NCKAP5: variants seen among roughly 807,000 people sequenced by gnomAD.
NCKAP5 encodes the protein NCK associated protein 5.
Under a neutral mutation model 167.0 loss-of-function variants are expected in NCKAP5, and 92 were observed. The observed-to-expected ratio is 0.55, with a 90% confidence interval of 0.47 to 0.66. The LOEUF (loss-of-function observed/expected upper bound fraction) is 0.66, where lower values mean the gene tolerates loss of function less well. Among genes scored for constraint, NCKAP5 ranks in the 30% least tolerant of loss-of-function variants. The pLI is 0.00. For missense variants in NCKAP5, 2,378 were observed against 2,315.0 expected, an observed-to-expected ratio of 1.03 and a Z score of -0.56; for synonymous variants, 891 against 877.4, an observed-to-expected ratio of 1.02 and a Z score of -0.27.
At position 132,685,975 on chromosome 2, in the gene NCKAP5, A is replaced by G. The variant is rs1206456238; in HGVS notation, c.5714-12670T>C. Among the ~76,000 whole-genome samples, 3 of 152,126 alleles carry G rather than the reference A, an allele frequency of 2.0e-5. No homozygotes were observed. In the East Asian group the frequency reaches 5.8e-4, roughly 29 times the overall value. On this transcript the variant is annotated intron_variant, in intron 19 of 19. Coordinates refer to ENST00000409261, the MANE Select transcript of NCKAP5 (RefSeq NM_207363.3). ...AGTTTTCAAAGACATAGGGTCCTCT[A>G]TGGGAAGAGGTGGGAGAGTCAGGAG... is the stretch of plus-strand genomic sequence containing the variant.
intron 3 of NCKAP5, among the ~76,000 whole-genome samples, chr2:133,486,559 CT>C (rs1424386721): frequency 6.6e-6 from 1 of 152,182 alleles, no homozygotes; most frequent in East Asian, 1.9e-4. Flanking sequence ...AACATACAGT[CT>C]GAAACAGAAT....
At chr2:133,126,573 C>A (rs1361811142) in intron 6 of NCKAP5, among the ~76,000 whole-genome samples, 1 of 152,162 alleles carries the variant, frequency 6.6e-6, no homozygotes, top group Non-Finnish European at 1.5e-5. Flanking sequence ...AAAGCAGCAG[C>A]CCTTGCAAGA....
chr2:132,731,010 T>A (rs1277786920), intron 17 of NCKAP5, among the ~76,000 whole-genome samples: 1 of 152,232 alleles, frequency 6.6e-6, no homozygotes, highest in African/African-American at 2.4e-5. Context: ...AATCATCAAC[T>A]CATACATGAA....
chr2:133,461,269 T>G (rs897023633), intron 3 of NCKAP5, among the ~76,000 whole-genome samples: 1 of 152,204 alleles, frequency 6.6e-6, no homozygotes, highest in African/African-American at 2.4e-5. Context: ...CTGTTGTATT[T>G]TATGAGTTAT....
intron 8 of NCKAP5, among the ~76,000 whole-genome samples, chr2:132,921,166 C>A (rs1464136133): frequency 6.6e-6 from 1 of 151,916 alleles, no homozygotes; most frequent in African/African-American, 2.4e-5. Context: ...TTGATGAATC[C>A]TCAAAGTAAG....
At chr2:133,406,456 C>A (rs1688435902) in intron 3 of NCKAP5, among the ~76,000 whole-genome samples, 1 of 151,974 alleles carries the variant, frequency 6.6e-6, no homozygotes, top group South Asian at 2.1e-4. Flanking sequence ...ATAGAGAGGG[C>A]AAAGGGAAGG....
Position 132,732,007 on chromosome 2 carries a change from A to C in NCKAP5, c.5173T>G (p.Phe1725Val), listed in dbSNP as rs1217857257. ...MRTLDSGIGT[F>V]PLPDSGNRST... Reference sequence around the variant, plus strand: ...CGATTTCCCGAGTCTGGGAGTGGAAAGGTTCCGATCCCACTGTCCAATGTT... The same window carrying C: ...CGATTTCCCGAGTCTGGGAGTGGAACGGTTCCGATCCCACTGTCCAATGTT... The change falls in exon 17 of 20, where the codon TTT (phenylalanine) becomes GTT (valine). Residue 1725 changes from phenylalanine to valine, a missense_variant. Phe to Val is a conservative substitution (Grantham distance 50). Coordinates refer to ENST00000409261, the MANE Select transcript of NCKAP5 (RefSeq NM_207363.3). 6.2e-7 allele frequency: 1 copy of C among 1,613,814 alleles called. No individual in the cohort carries two copies. Among genetic ancestry groups the C allele is most frequent in the Non-Finnish European group, 8.5e-7 (1 of 1,179,846 alleles).
intron 5 of NCKAP5, among the ~76,000 whole-genome samples, chr2:133,193,089 G>T (rs2082627): frequency 1.3e-5 from 2 of 151,844 alleles, no homozygotes; most frequent in African/African-American, 2.4e-5. Flanking sequence ...AATGCTTCAT[G>T]CATACAACAA....
upstream of NCKAP5, among the ~76,000 whole-genome samples, chr2:133,569,851 G>A (rs1688794367): frequency 6.6e-6 from 1 of 152,170 alleles, no homozygotes; most frequent in Admixed American, 6.5e-5. Context: ...TCACTGATGG[G>A]TCTTCAATGA....
chr2:133,206,016 C>CT (rs2085935798), intron 5 of NCKAP5, among the ~76,000 whole-genome samples: 1 of 152,060 alleles, frequency 6.6e-6, no homozygotes, highest in Non-Finnish European at 1.5e-5. Context: ...CTAAACTATG[C>CT]TTTTTGCCCA....
chr2:133,476,549 C>T (rs1037461017), intron 3 of NCKAP5, among the ~76,000 whole-genome samples: 3 of 152,200 alleles, frequency 2.0e-5, no homozygotes, highest in Non-Finnish European at 4.4e-5. Flanking sequence ...GATGGCCCTA[C>T]ATATTGCCTT....
intron 6 of NCKAP5, among the ~76,000 whole-genome samples, chr2:133,104,349 G>A (rs953961034): frequency 3.9e-5 from 6 of 152,154 alleles, no homozygotes; most frequent in East Asian, 1.9e-4. Context: ...ACAGAAAACC[G>A]GAGATGTTAT....
At chr2:133,348,474 G>A (rs1029787162) in intron 3 of NCKAP5, among the ~76,000 whole-genome samples, 1 of 151,710 alleles carries the variant, frequency 6.6e-6, no homozygotes, top group Admixed American at 6.6e-5. Context: ...TGGGGTGGGA[G>A]TAGTTTTTGG....
intron 8 of NCKAP5, among the ~76,000 whole-genome samples, chr2:132,909,224 T>C (rs1358565062): frequency 6.6e-6 from 1 of 152,118 alleles, no homozygotes; most frequent in African/African-American, 2.4e-5. Context: ...CGCACGCCTG[T>C]GATCCCAGCT....
intron 3 of NCKAP5, among the ~76,000 whole-genome samples, chr2:133,487,499 G>C (rs912811890): frequency 2.6e-5 from 4 of 152,112 alleles, no homozygotes; most frequent in African/African-American, 9.7e-5. Context: ...GAATGGTCAG[G>C]GGGTGGAGGC....
At chr2:133,152,562 A>G (rs1304141740) in intron 5 of NCKAP5, among the ~76,000 whole-genome samples, 1 of 152,216 alleles carries the variant, frequency 6.6e-6, no homozygotes, top group Admixed American at 6.5e-5. Flanking sequence ...AGATGAATGA[A>G]TAAACAGGCG....
At chr2:133,177,126 C>T (rs1425735675) in intron 5 of NCKAP5, among the ~76,000 whole-genome samples, 1 of 149,766 alleles carries the variant, frequency 6.7e-6, no homozygotes, top group African/African-American at 2.5e-5. Context: ...CTGGAGTCAA[C>T]ACTCTAAGAA....
At chr2:132,763,823 C>G (rs1275536444) in intron 16 of NCKAP5, among the ~76,000 whole-genome samples, 1 of 152,114 alleles carries the variant, frequency 6.6e-6, no homozygotes, top group East Asian at 1.9e-4. Flanking sequence ...TTCTCTGCAT[C>G]CTTGCTAGAC....
the NCKAP5 span, among the ~76,000 whole-genome samples, chr2:133,626,641 G>GT: frequency 6.6e-6 from 1 of 151,940 alleles, no homozygotes; most frequent in African/African-American, 2.4e-5. Context: ...ATAATGATAT[G>GT]TTTTTAAAAG....
Sources: allele counts gnomAD v4.1 joint callset (sites outside exome capture counted in the v4.1 genomes callset), GRCh38; gene constraint gnomAD v4.1.1; transcripts MANE v1.5; gene names NCBI Gene and HGNC (gene_info 2026-07-23, HGNC 2026-07-21).